Variants in RAD54B observed in about 807,000 individuals in gnomAD.
The protein encoded by RAD54B is DNA repair and recombination protein RAD54B.
In RAD54B, 78 loss-of-function variants were observed where a neutral mutation model predicts 95.8. That is an observed-to-expected ratio of 0.81 (90% CI 0.68 to 0.98). RAD54B has a LOEUF of 0.98. Among genes scored for constraint, RAD54B ranks in the 50% least tolerant of loss-of-function variants. RAD54B has a pLI of 0.00. For missense variants in RAD54B, 957 were observed against 1,056.6 expected, an observed-to-expected ratio of 0.91 and a Z score of 1.31; for synonymous variants, 328 against 354.9, an observed-to-expected ratio of 0.92 and a Z score of 0.85.
rs113184104 is a variant in RAD54B, at chr8:94,381,514, G to GA, written c.1986-1109dup. Among the ~76,000 whole-genome samples, 666 of 151,692 alleles carry GA rather than the reference G, an allele frequency of 4.4e-3. 3 individuals are homozygous for GA. Among genetic ancestry groups the GA allele is most frequent in the African/African-American group, 0.015 (629 of 41,390 alleles). On this transcript the variant is annotated intron_variant, in intron 11 of 14. Coordinates refer to ENST00000336148, the MANE Select transcript of RAD54B (RefSeq NM_012415.3). ...ACAAACCTGAATTAAACAAAGCAAT[G>GA]AAAAAAAACAGAAGAAAACTTTCCG...
At chr8:94,382,720 T>C (rs1810774903) in intron 11 of RAD54B, among the ~76,000 whole-genome samples, 1 of 152,138 alleles carries the variant, frequency 6.6e-6, no homozygotes, top group Non-Finnish European at 1.5e-5. Flanking sequence ...ACGGGGGCGG[T>C]TTCCTGCATG....
intron 4 of RAD54B, among the ~76,000 whole-genome samples, chr8:94,408,280 T>C (rs1018673082): frequency 6.6e-6 from 1 of 152,190 alleles, no homozygotes; most frequent in South Asian, 2.1e-4. Flanking sequence ...TGAATTATTA[T>C]TAATTTGATG....
Position 94,400,402 on chromosome 8 carries a change from A to C in RAD54B, c.1006T>G (p.Cys336Gly). Residue 336 changes from cysteine to glycine, a missense_variant, in exon 7 of 15, where the codon TGT (cysteine) becomes GGT (glycine). Transcript: ENST00000336148. ...DEMGLGKTLQ[C>G]ISLIWTLQCQ... ...TGCAGGGTCCAGATGAGCGAAATAC[A>C]TTGCAATGTCTTCCCTAAACCCATT... is the stretch of plus-strand genomic sequence containing the variant. 6.2e-7 allele frequency: 1 copy of C among 1,613,742 alleles called. No individual in the cohort carries two copies. The highest frequency in any genetic ancestry group is 8.5e-7 in the Non-Finnish European group (1 of 1,179,868).
chr8:94,458,126 CA>C, intron 3 of RAD54B, 141 bp downstream of exon 3: 1 of 724,744 alleles, frequency 1.4e-6, no homozygotes, highest in Non-Finnish European at 2.1e-6. Context: ...ATTATGACAA[CA>C]AAAAACCTGA....
At chr8:94,474,611 A>G (rs994339538) in intron 1 of RAD54B, among the ~76,000 whole-genome samples, 16 of 152,312 alleles carry the variant, frequency 1.1e-4, no homozygotes, top group South Asian at 8.3e-4. Context: ...GACACTCTCC[A>G]GGACGCTCGC....
At chr8:94,412,842 TAAA>T in intron 3 of RAD54B, among the ~76,000 whole-genome samples, 1 of 152,112 alleles carries the variant, frequency 6.6e-6, no homozygotes, top group African/African-American at 2.4e-5. Context: ...AATCTAAAAA[TAAA>T]GAAGAATAAA....
chr8:94,387,322 T>TA (rs1810912678), intron 10 of RAD54B, 163 bp from the exon 11 acceptor site: 2 of 584,366 alleles, frequency 3.4e-6, no homozygotes, highest in African/African-American at 1.9e-5. Flanking sequence ...GATCATTTTT[T>TA]AAAAAAGTAA....
intron 9 of RAD54B, among the ~76,000 whole-genome samples, chr8:94,392,764 A>ATTTT (rs34856809): frequency 0.024 from 1,760 of 72,492 alleles, 33 homozygotes; most frequent in African/African-American, 0.027. Context: ...CACCTGGCTG[A>ATTTT]TTTTTTTTTT....
chr8:94,448,444 C>T (rs1180659824), intron 3 of RAD54B, among the ~76,000 whole-genome samples: 1 of 151,984 alleles, frequency 6.6e-6, no homozygotes, highest in Non-Finnish European at 1.5e-5. Flanking sequence ...TACCATATGA[C>T]CCAGCAATCC....
chr8:94,376,060 A>G lies in RAD54B; in HGVS notation c.2515+2120T>C, dbSNP rs75070831. On this transcript the variant is annotated intron_variant, in intron 14 of 14. Transcript: ENST00000336148. ...TTGAAATCTATAAAAGAAAAAATGG[A>G]TTACATAACAAAATCTGGCTAATAT... is the stretch of plus-strand genomic sequence containing the variant. Among the ~76,000 whole-genome samples, 693 of 152,326 alleles carry G rather than the reference A, an allele frequency of 4.5e-3. 2 individuals carry two copies. The highest frequency in any genetic ancestry group is 0.013 in the Admixed American group (201 of 15,306).
intron 3 of RAD54B, chr8:94,431,572 A>C (rs1812095506): frequency 1.1e-6 from 1 of 938,584 alleles, no homozygotes; most frequent in South Asian, 4.9e-5. Flanking sequence ...TACCCTAAGT[A>C]AGTCATTGAG....
chr8:94,433,817 T>A (rs1483239562), intron 3 of RAD54B, among the ~76,000 whole-genome samples: 1 of 151,732 alleles, frequency 6.6e-6, no homozygotes, highest in Non-Finnish European at 1.5e-5. Context: ...AGATTTTACA[T>A]ATAATAAGAA....
At chr8:94,435,982 T>C (rs915237924) in intron 3 of RAD54B, among the ~76,000 whole-genome samples, 1 of 152,152 alleles carries the variant, frequency 6.6e-6, no homozygotes, top group Non-Finnish European at 1.5e-5. Flanking sequence ...AATCATGCCA[T>C]TAACAAGTTT....
At chr8:94,469,045 C>A (rs2130205591) in intron 1 of RAD54B, among the ~76,000 whole-genome samples, 1 of 148,830 alleles carries the variant, frequency 6.7e-6, no homozygotes, top group East Asian at 2.0e-4. Context: ...GTAATCCCAG[C>A]ACTTTGGGAG....
At position 94,411,288 on chromosome 8, in the gene RAD54B, A is replaced by G; in HGVS notation, c.332T>C (p.Val111Ala). The change falls in exon 4 of 15, where the codon GTG becomes GCG. Residue 111 changes from valine (V) to alanine (A), a missense_variant. By Grantham distance (64) the Val-to-Ala change is moderately conservative. Transcript: ENST00000336148. ...TVHSAPKEVAVSKEQEEKSDS... is the reference protein window; with the variant it reads ...TVHSAPKEVAASKEQEEKSDS... Reference sequence around the variant, plus strand: ...AGATTTCTCTTCTTGTTCCTTGGACACTGCTACTTCTTTAGGAGCCGAATG... The same window carrying G: ...AGATTTCTCTTCTTGTTCCTTGGACGCTGCTACTTCTTTAGGAGCCGAATG... 6.3e-7 allele frequency: 1 copy of G among 1,587,972 alleles called. No homozygotes were observed. Among genetic ancestry groups the G allele is most frequent in the Non-Finnish European group, 8.5e-7 (1 of 1,173,552 alleles).
intron 12 of RAD54B, 131 bp downstream of exon 12, chr8:94,380,014 G>A: frequency 1.0e-6 from 1 of 987,210 alleles, no homozygotes. Context: ...AAGCACTTAG[G>A]AGAGTGCCTC....
chr8:94,471,026 T>C (rs529360974), intron 1 of RAD54B, among the ~76,000 whole-genome samples: 2 of 152,284 alleles, frequency 1.3e-5, no homozygotes, highest in South Asian at 4.1e-4. Context: ...TAATTCTACC[T>C]TATCATCTAG....
chr8:94,406,916 T>A (rs187061155), intron 5 of RAD54B, among the ~76,000 whole-genome samples: 3 of 151,862 alleles, frequency 2.0e-5, no homozygotes, highest in African/African-American at 7.2e-5. Flanking sequence ...CTAGGTTTCT[T>A]TTTTTTTAAT....
chr8:94,438,599 T>G (rs912736401), intron 3 of RAD54B, among the ~76,000 whole-genome samples: 12 of 152,192 alleles, frequency 7.9e-5, no homozygotes, highest in African/African-American at 2.9e-4. Context: ...TTTTGTTATT[T>G]TCAGAAGAAA....
Sources: gnomAD v4.1 joint callset for allele counts (sites outside exome capture counted in the v4.1 genomes callset) on GRCh38, gnomAD v4.1.1 for gene constraint, MANE v1.5 for transcripts, NCBI Gene and HGNC (gene_info 2026-07-23, HGNC 2026-07-21) for gene names.